Variants in PACS1 observed in about 807,000 individuals in gnomAD.
PACS1 encodes the protein phosphofurin acidic cluster sorting protein 1.
Under a neutral mutation model 115.0 loss-of-function variants are expected in PACS1, and 24 were observed. The observed-to-expected ratio is 0.21, with a 90% CI of 0.15 to 0.29. The LOEUF is 0.29. Among genes scored for constraint, PACS1 ranks in the 10% least tolerant of loss-of-function variants. The pLI is 1.00. For synonymous variants in PACS1, 453 were observed against 504.5 expected, an observed-to-expected ratio of 0.90 and a Z score of 1.37; for missense variants, 838 against 1,251.2, an observed-to-expected ratio of 0.67 and a Z score of 4.98.
chr11:66,118,703 A>G (rs1211863), intron 1 of PACS1, among the ~76,000 whole-genome samples: 132,169 of 148,222 alleles, frequency 0.89, 59,808 homozygotes, highest in East Asian at 0.97. Flanking sequence ...GAAGTGGACC[A>G]ATCACCTGAG....
Position 66,235,747 on chromosome 11 carries a change from C to G in PACS1, c.2208-151C>G. The G allele has an allele frequency of 1.3e-6, 1 of 764,516 alleles. No homozygotes were observed. The allele number at this position is 764,516 out of a possible 1,614,324, so 47.4% of individuals were successfully genotyped here. On this transcript the variant is annotated intron_variant, in intron 18 of 23. Transcript: ENST00000320580. This position sits in a 1 kb window ranked among gnomAD's most constrained non-coding sequence, Gnocchi z 5.6. The stretch of plus-strand genomic sequence containing the variant: ...CTCCACATGCACAGCAAGTCCCAGA[C>G]CTTCCCCATGCCACCCCAGGATGTG...
chr11:66,071,654 T>G (rs1857311911), intron 1 of PACS1, among the ~76,000 whole-genome samples: 1 of 152,216 alleles, frequency 6.6e-6, no homozygotes, highest in African/African-American at 2.4e-5. Flanking sequence ...GTTTGCCACT[T>G]GAATAAGACG....
chr11:66,210,350 T>G lies in PACS1; in HGVS notation c.445-12T>G, dbSNP rs1410260836. 7 of 1,611,494 alleles carry G rather than the reference T, an allele frequency of 4.3e-6. No homozygotes were observed. Among genetic ancestry groups the G allele is most frequent in the Non-Finnish European group, 5.9e-6 (7 of 1,177,604 alleles). ...TGCACCTGGCCAAACAGACTTTTCT[T>G]CTTGGTTTCAGGGTTCAAAAAGAAT... On this transcript the variant is annotated splice_polypyrimidine_tract_variant and intron_variant, in intron 2 of 23. Transcript: ENST00000320580.
At chr11:66,214,429 G>GAC (rs1855149909) in intron 4 of PACS1, among the ~76,000 whole-genome samples, 1 of 152,070 alleles carries the variant, frequency 6.6e-6, no homozygotes, top group African/African-American at 2.4e-5. Flanking sequence ...TCAAGAGCAA[G>GAC]TTTCTCTGTG....
At chr11:66,144,931 G>C (rs1020284271) in intron 1 of PACS1, among the ~76,000 whole-genome samples, 1 of 152,204 alleles carries the variant, frequency 6.6e-6, no homozygotes, top group Non-Finnish European at 1.5e-5. Context: ...CATCACGCCA[G>C]GCCTGTTCAT....
At chr11:66,202,724 A>AGGG (rs533637068) in intron 2 of PACS1, among the ~76,000 whole-genome samples, 43 of 18,438 alleles carry the variant, frequency 2.3e-3, no homozygotes, top group African/African-American at 7.5e-3. Flanking sequence ...CCTCATCTCT[A>AGGG]GGAAAAAAAA....
Position 66,230,892 on chromosome 11 carries a change from C to A in PACS1, c.1578C>A (p.Thr526=). ...RQLSKPLSER[T]NSSDSERSPD... ...TCTCCAAGCCCCTAAGTGAGAGGACCAACAGTTCCGACAGCGAGCGCTCCC... is the reference window on the plus strand; with the variant it reads ...TCTCCAAGCCCCTAAGTGAGAGGACAAACAGTTCCGACAGCGAGCGCTCCC... Residue 526 remains threonine (T), a synonymous_variant, in exon 13 of 24, where the codon ACC becomes ACA. Coordinates refer to ENST00000320580, the MANE Select transcript of PACS1 (RefSeq NM_018026.4). 2 of 1,614,204 alleles carry A rather than the reference C, an allele frequency of 1.2e-6. No individual in the cohort carries two copies. Among genetic ancestry groups the A allele is most frequent in the Non-Finnish European group, 1.7e-6 (2 of 1,180,032 alleles).
chr11:66,176,763 G>A (rs915833935), intron 1 of PACS1, among the ~76,000 whole-genome samples: 1 of 152,006 alleles, frequency 6.6e-6, no homozygotes, highest in Non-Finnish European at 1.5e-5. Context: ...TAAAGAACCA[G>A]TTCTGTGGCT....
intron 1 of PACS1, among the ~76,000 whole-genome samples, chr11:66,106,786 GTCTTTGTACCTTAGTT>G (rs1389520335): frequency 6.6e-6 from 1 of 151,944 alleles, no homozygotes; most frequent in African/African-American, 2.4e-5. Flanking sequence ...GATAAATCTT[GTCTTTGTACCTTAGTT>G]TCTCCACATG....
intron 1 of PACS1, among the ~76,000 whole-genome samples, chr11:66,081,806 T>A (rs1367937609): frequency 6.6e-6 from 1 of 152,230 alleles, no homozygotes; most frequent in Non-Finnish European, 1.5e-5. Flanking sequence ...TTGCCATTTG[T>A]CACCGGTGAA....
At chr11:66,219,434 A>G in intron 7 of PACS1, 1 of 480,994 alleles carries the variant, frequency 2.1e-6, no homozygotes, top group East Asian at 4.5e-5. Context: ...AGCAGTGGGC[A>G]CTGTGAATCC....
At chr11:66,232,705 C>T (rs569664190) in intron 14 of PACS1, among the ~76,000 whole-genome samples, 5 of 152,152 alleles carry the variant, frequency 3.3e-5, no homozygotes, top group South Asian at 4.2e-4. Flanking sequence ...ACACTGGTGC[C>T]GGGGACACCT....
intron 11 of PACS1, 74 bp downstream of exon 11, chr11:66,227,658 C>A: frequency 3.4e-6 from 3 of 875,276 alleles, no homozygotes; most frequent in South Asian, 1.6e-5. Flanking sequence ...GGCAGAAGGA[C>A]CCTCAGGACC....
At chr11:66,080,422 G>T (rs1490703583) in intron 1 of PACS1, among the ~76,000 whole-genome samples, 1 of 152,246 alleles carries the variant, frequency 6.6e-6, no homozygotes. Context: ...AACTGAGTGT[G>T]GGGGGAAAGG....
chr11:66,103,080 C>T (rs1857957430), intron 1 of PACS1, among the ~76,000 whole-genome samples: 8 of 152,200 alleles, frequency 5.3e-5, no homozygotes, highest in Admixed American at 5.2e-4. Context: ...ATCCATCTGC[C>T]TTGGCCTCTG....
At chr11:66,126,949 G>A (rs1454813696) in intron 1 of PACS1, among the ~76,000 whole-genome samples, 2 of 152,208 alleles carry the variant, frequency 1.3e-5, no homozygotes, top group Admixed American at 1.3e-4. Context: ...CAGGAAGAAG[G>A]GGAGGCCTTT....
intron 1 of PACS1, among the ~76,000 whole-genome samples, chr11:66,072,226 A>G (rs1351621889): frequency 6.6e-6 from 1 of 152,024 alleles, no homozygotes; most frequent in Non-Finnish European, 1.5e-5. Context: ...TCCATGTGGT[A>G]TGGTAGCCAT....
At chr11:66,202,738 AAAAAATATATATATATATATATAT>A (rs1311960785) in intron 2 of PACS1, among the ~76,000 whole-genome samples, 3 of 64,882 alleles carry the variant, frequency 4.6e-5, no homozygotes, top group South Asian at 5.3e-4. Context: ...AAAAAAAAAA[AAAAAATATATATATATATATATAT>A]ATATATATAT....
intron 10 of PACS1, among the ~76,000 whole-genome samples, chr11:66,225,601 C>T (rs1855455917): frequency 2.0e-5 from 3 of 152,136 alleles, no homozygotes; most frequent in African/African-American, 7.2e-5. Context: ...TAAATATATA[C>T]AATTTTTATT....
Sources: gnomAD v4.1 joint callset for allele counts (sites outside exome capture counted in the v4.1 genomes callset) on GRCh38, gnomAD v4.1.1 for gene constraint, Gnocchi (gnomAD v3.1) non-coding constraint, MANE v1.5 for transcripts, NCBI Gene and HGNC (gene_info 2026-07-23, HGNC 2026-07-21) for gene names.